The following OAS3 variants were observed in gnomAD, a reference collection of about 807,000 sequenced individuals.
The protein encoded by OAS3 is 2'-5'-oligoadenylate synthetase 3, also known as 2'-5'-oligoadenylate synthase 3.
OAS3 carries 107 observed loss-of-function variants against 113.0 expected under a neutral mutation model. The ratio of observed to expected loss-of-function variants is 0.95; its 90% CI spans 0.81 to 1.11. The LOEUF is 1.11. OAS3 is among the 50% of genes most tolerant of loss of function. OAS3 has a pLI of 0.00. For synonymous variants in OAS3, 552 were observed against 573.6 expected, an observed-to-expected ratio of 0.96 and a Z score of 0.54; for missense variants, 1,258 against 1,389.1, an observed-to-expected ratio of 0.91 and a Z score of 1.50.
rs979673226 is a variant in OAS3 at position 112,972,983 on chromosome 12, A to G, written c.*3010A>G. On this transcript the variant is annotated 3_prime_UTR_variant, in exon 16 of 16. Coordinates refer to ENST00000228928, the MANE Select transcript of OAS3 (RefSeq NM_006187.4). Reference sequence around the variant, plus strand: ...AAGCTCTCACCCTTCTAAAGTGTACAATTCAGTGGTGTGAGTATATTCATA... The same window carrying G: ...AAGCTCTCACCCTTCTAAAGTGTACGATTCAGTGGTGTGAGTATATTCATA... The G allele has an allele frequency of 6.6e-6, 1 of 152,132 alleles. No homozygotes were observed. Among genetic ancestry groups the G allele is most frequent in the African/African-American group, 2.4e-5 (1 of 41,400 alleles). 9.4% of individuals were successfully genotyped at this position (152,132 alleles called of 1,614,324 possible).
Position 112,967,967 on chromosome 12 carries a change from T to C in OAS3, c.2897T>C (p.Leu966Pro), listed in dbSNP as rs757989172. 1.2e-6 allele frequency: 2 copies of C among 1,613,962 alleles called. No homozygotes were observed. Among genetic ancestry groups the C allele is most frequent in the Non-Finnish European group, 1.7e-6 (2 of 1,179,848 alleles). Residue 966 changes from leucine (L) to proline (P), a missense_variant, in exon 14 of 16, where the codon CTA becomes CCA. Physicochemically the swap from Leu to Pro is moderately conservative, Grantham distance 98. Transcript: ENST00000228928. ...AAGATCTCCAAGGGGAGAGGCTCCC[T>C]ACCCCCACAGCACGGGCTGGAACTC... ...CTKISKGRGS[L>P]PPQHGLELLT...
rs1245882767 is a variant in OAS3, at chr12:112,948,884, A to C, written c.1053A>C (p.Ser351=). The change falls in exon 6 of 16, where the codon TCA becomes TCC. Residue 351 remains serine (S), a synonymous_variant. Coordinates refer to ENST00000228928, the MANE Select transcript of OAS3 (RefSeq NM_006187.4). ...KGPGLPRAGC[S]GLGHPIQLDP... ...AGGGCCTTCCACGTGCTGGATGCTC[A>C]GGTTTGGGCCACCCCATCCAGCTAG... 1.3e-6 allele frequency: 2 copies of C among 1,586,438 alleles called. No homozygotes were observed. Among genetic ancestry groups the C allele is most frequent in the Non-Finnish European group, 1.7e-6 (2 of 1,165,216 alleles).
intron 3 of OAS3, chr12:112,945,047 C>T (rs764786725): frequency 7.4e-5 from 22 of 299,060 alleles, no homozygotes; most frequent in Non-Finnish European, 1.2e-4. Flanking sequence ...TGCAGTGGCT[C>T]ATGGCTGGAA....
intron 12 of OAS3, among the ~76,000 whole-genome samples, chr12:112,967,124 A>G (rs773592061): frequency 2.6e-5 from 4 of 152,222 alleles, no homozygotes; most frequent in Non-Finnish European, 5.9e-5. Context: ...AAAGATAAGT[A>G]AGTATTAGAG....
Position 112,946,903 on chromosome 12 carries a change from G to A in OAS3, c.797G>A (p.Cys266Tyr), listed in dbSNP as rs567841595. The change falls in exon 4 of 16, where the codon TGT becomes TAT. Residue 266 changes from cysteine (C) to tyrosine (Y), a missense_variant. By Grantham distance (194) the Cys-to-Tyr change is radical (BLOSUM62 -2). Coordinates refer to ENST00000228928, the MANE Select transcript of OAS3 (RefSeq NM_006187.4). ...LGLIQQHQHLCVFWTVNYGFE... is the reference protein window; with the variant it reads ...LGLIQQHQHLYVFWTVNYGFE... ...CTGATCCAACAGCATCAGCACCTGT[G>A]TGTTTTCTGGACTGTCAACTATGGC... The A allele has an allele frequency of 6.2e-7, 1 of 1,614,090 alleles. No individual in the cohort carries two copies.
In OAS3 at chr12:112,968,136, T is replaced by C. The variant is rs773787101; in HGVS notation, c.3066T>C (p.Thr1022=). ...TCAACTACAACGCCAAGGACAAGAC[T>C]GTTGGAGACTTCCTGAAACAGCAGC... ...WTINYNAKDK[T]VGDFLKQQLQ... The change falls in exon 14 of 16, where the codon ACT becomes ACC. Residue 1022 remains threonine, a synonymous_variant. Coordinates refer to ENST00000228928, the MANE Select transcript of OAS3 (RefSeq NM_006187.4). The C allele has an allele frequency of 1.3e-5, 21 of 1,613,720 alleles. No individual in the cohort carries two copies. The highest frequency in any genetic ancestry group is 1.4e-5 in the Non-Finnish European group (17 of 1,179,722).
At chr12:112,958,542 T>C (rs987671766) in intron 7 of OAS3, among the ~76,000 whole-genome samples, 2 of 152,252 alleles carry the variant, frequency 1.3e-5, no homozygotes, top group African/African-American at 4.8e-5. Context: ...GTCCTTTCTG[T>C]TTGTTAGTTT....
At chr12:112,969,087 A>C (rs875924) in intron 14 of OAS3, among the ~76,000 whole-genome samples, 26,281 of 152,190 alleles carry the variant, frequency 0.17, 2,410 homozygotes, top group East Asian at 0.32. Context: ...CAAATGCAAA[A>C]ATTCAAAATC....
chr12:112,953,365 AT>A (rs1313054442), intron 7 of OAS3, among the ~76,000 whole-genome samples: 2 of 152,066 alleles, frequency 1.3e-5, no homozygotes, highest in Non-Finnish European at 2.9e-5. Context: ...TATGTGCCAC[AT>A]TTTCTTAATC....
In OAS3 at chr12:112,948,907, T is replaced by TA; in HGVS notation, c.1077dup (p.Asp360ArgfsTer3). The stretch of plus-strand genomic sequence containing the variant: ...TCAGGTTTGGGCCACCCCATCCAGC[T>TA]AGACCCTAACCAGAAGACCCCTGAA... On this transcript the variant is annotated frameshift_variant, in exon 6 of 16. Coordinates refer to ENST00000228928, the MANE Select transcript of OAS3 (RefSeq NM_006187.4). LOFTEE classifies it high-confidence loss of function. 2.5e-6 allele frequency: 4 copies of TA among 1,604,872 alleles called. No individual in the cohort carries two copies. The highest frequency in any genetic ancestry group is 3.4e-6 in the Non-Finnish European group (4 of 1,175,726).
chr12:112,941,787 G>A lies in OAS3; in HGVS notation c.395G>A (p.Arg132His), dbSNP rs770281844. The A allele has an allele frequency of 1.7e-5, 27 of 1,614,008 alleles. No homozygotes were observed. Among genetic ancestry groups the A allele is most frequent in the South Asian group, 7.7e-5 (7 of 91,084 alleles). Residue 132 changes from arginine to histidine, a missense_variant, in exon 2 of 16, where the codon CGC becomes CAC. By Grantham distance (29) the Arg-to-His change is conservative (BLOSUM62 0). Transcript: ENST00000228928. Reference protein sequence around the residue: ...EQSVPGALQFRLTSVDLEDWM... With the variant: ...EQSVPGALQFHLTSVDLEDWM... ...AGCGTGCCTGGGGCCCTGCAGTTCCGCCTGACATCCGTAGATCTTGAGGAC... is the reference window on the plus strand; with the variant it reads ...AGCGTGCCTGGGGCCCTGCAGTTCCACCTGACATCCGTAGATCTTGAGGAC...
intron 7 of OAS3, among the ~76,000 whole-genome samples, chr12:112,953,225 A>G (rs2043807274): frequency 6.6e-6 from 1 of 151,768 alleles, no homozygotes; most frequent in Non-Finnish European, 1.5e-5. Context: ...CCTATGAGTG[A>G]GAACATGTGG....
At position 112,948,902 on chromosome 12, in the gene OAS3, C is replaced by A. The variant is rs991157278; in HGVS notation, c.1071C>A (p.Ile357=). Residue 357 remains isoleucine (I), a synonymous_variant, in exon 6 of 16, where the codon ATC becomes ATA. Coordinates refer to ENST00000228928, the MANE Select transcript of OAS3 (RefSeq NM_006187.4). The part of the protein sequence containing the change: ...RAGCSGLGHP[I]QLDPNQKTPE... ...GATGCTCAGGTTTGGGCCACCCCAT[C>A]CAGCTAGACCCTAACCAGAAGACCC... The A allele has an allele frequency of 1.2e-6, 2 of 1,601,462 alleles. No individual in the cohort carries two copies. The highest frequency in any genetic ancestry group is 1.7e-5 in the Admixed American group (1 of 58,088).
intron 1 of OAS3, among the ~76,000 whole-genome samples, chr12:112,940,772 G>A (rs1042546991): frequency 1.3e-5 from 2 of 152,216 alleles, no homozygotes; most frequent in Admixed American, 6.5e-5. Context: ...GGAGGCCAAC[G>A]AGGGCAGATC....
chr12:112,956,714 A>T (rs1196805606), intron 7 of OAS3, among the ~76,000 whole-genome samples: 1 of 152,130 alleles, frequency 6.6e-6, no homozygotes, highest in Non-Finnish European at 1.5e-5. Flanking sequence ...GCTTGTTATA[A>T]TTTCTGTTCT....
intron 12 of OAS3, among the ~76,000 whole-genome samples, 180 bp downstream of exon 12, chr12:112,966,209 T>G (rs1302611463): frequency 1.3e-5 from 2 of 152,216 alleles, no homozygotes; most frequent in East Asian, 3.8e-4. Flanking sequence ...GGCCCCTTTT[T>G]CTAATTTGCG....
chr12:112,955,620 G>A (rs931582844), intron 7 of OAS3, among the ~76,000 whole-genome samples: 3 of 152,180 alleles, frequency 2.0e-5, no homozygotes, highest in African/African-American at 2.4e-5. Context: ...GATGGATTAC[G>A]TTTATTGATT....
At chr12:112,951,392 C>A (rs1266568063) in intron 7 of OAS3, among the ~76,000 whole-genome samples, 1 of 151,920 alleles carries the variant, frequency 6.6e-6, no homozygotes, top group Non-Finnish European at 1.5e-5. Context: ...CAGTTTTAGT[C>A]AATGCAATTA....
chr12:112,953,337 A>G (rs961805664), intron 7 of OAS3, among the ~76,000 whole-genome samples: 2 of 152,190 alleles, frequency 1.3e-5, no homozygotes, highest in Non-Finnish European at 2.9e-5. Context: ...TTATGGCTGC[A>G]TAGTATTCCA....
Sources: gnomAD v4.1 joint callset for allele counts (sites outside exome capture counted in the v4.1 genomes callset) on GRCh38, gnomAD v4.1.1 for gene constraint, MANE v1.5 for transcripts, NCBI Gene and HGNC (gene_info 2026-07-23, HGNC 2026-07-21) for gene names.